The following CYB5B variants were observed in gnomAD, a reference collection of about 807,000 sequenced individuals.
CYB5B encodes cytochrome b5 type B (outer mitochondrial membrane).
CYB5B carries 14 observed loss-of-function variants against 21.3 expected under a neutral mutation model. That is an observed-to-expected ratio of 0.66 (90% CI 0.43 to 1.03). The LOEUF is 1.03. Among genes scored for constraint, CYB5B ranks in the 50% least tolerant of loss-of-function variants. CYB5B has a pLI of 0.00. For missense variants in CYB5B, 166 were observed against 185.1 expected (o/e 0.90, Z 0.60); for synonymous variants, 69 against 68.4 (o/e 1.01, Z -0.04).
chr16:69,429,495 T>C (rs1033612499), intron 1 of CYB5B, among the ~76,000 whole-genome samples: 5 of 152,168 alleles, frequency 3.3e-5, no homozygotes, highest in African/African-American at 4.8e-5. Context: ...GCATTTACAA[T>C]CCTCTAGCTA....
intron 1 of CYB5B, among the ~76,000 whole-genome samples, chr16:69,446,082 A>G (rs2142819799): frequency 6.6e-6 from 1 of 152,332 alleles, no homozygotes; most frequent in South Asian, 2.1e-4. Context: ...ATGCATATAT[A>G]TATCTTCATT....
chr16:69,457,139 T>C (rs2014990935), intron 3 of CYB5B, among the ~76,000 whole-genome samples: 1 of 152,210 alleles, frequency 6.6e-6, no homozygotes, highest in African/African-American at 2.4e-5. Context: ...AGTTATTTAT[T>C]GTTTAGAAAT....
intron 3 of CYB5B, among the ~76,000 whole-genome samples, chr16:69,453,702 G>A (rs1440343035): frequency 6.6e-6 from 1 of 152,076 alleles, no homozygotes; most frequent in Admixed American, 6.5e-5. Context: ...GGGATTACAG[G>A]CGCCTACCAC....
chr16:69,437,966 A>G (rs759163992), intron 1 of CYB5B, among the ~76,000 whole-genome samples: 1 of 152,196 alleles, frequency 6.6e-6, no homozygotes. Flanking sequence ...GTTCAATGGC[A>G]TTAAGTACAT....
chr16:69,434,860 C>T (rs911484233), intron 1 of CYB5B, among the ~76,000 whole-genome samples: 3,081 of 55,318 alleles, frequency 0.056, 51 homozygotes, highest in Non-Finnish European at 0.069. Context: ...AAGACTTCAT[C>T]TCAAAAAAAA....
intron 3 of CYB5B, among the ~76,000 whole-genome samples, chr16:69,457,861 A>G (rs1303344484): frequency 6.6e-6 from 1 of 152,314 alleles, no homozygotes; most frequent in African/African-American, 2.4e-5. Flanking sequence ...AACTCATTTC[A>G]TGGACTGCTC....
intron 1 of CYB5B, among the ~76,000 whole-genome samples, chr16:69,442,170 AAGTC>A (rs1335757639): frequency 6.6e-6 from 1 of 152,172 alleles, no homozygotes; most frequent in East Asian, 1.9e-4. Context: ...CTGTGATTAA[AAGTC>A]AGACTGCATA....
intron 3 of CYB5B, among the ~76,000 whole-genome samples, chr16:69,451,622 T>TA (rs996101238): frequency 1.5e-4 from 22 of 149,914 alleles, no homozygotes; most frequent in East Asian, 7.8e-4. Flanking sequence ...ATGTACATGG[T>TA]AAAAAAAAAA....
At chr16:69,433,555 A>T (rs985518396) in intron 1 of CYB5B, among the ~76,000 whole-genome samples, 1 of 152,182 alleles carries the variant, frequency 6.6e-6, no homozygotes, top group Non-Finnish European at 1.5e-5. Context: ...CCACAGCTGC[A>T]TAGGATTTAT....
chr16:69,430,154 C>A (rs1023282150), intron 1 of CYB5B, among the ~76,000 whole-genome samples: 3 of 152,144 alleles, frequency 2.0e-5, no homozygotes, highest in Admixed American at 1.3e-4. Context: ...TAGAAAATAT[C>A]AAAGTGCATC....
rs185170483 is a variant in CYB5B, at chr16:69,432,719, A to C, written c.174+7862A>C. ...GTTTTAGAGGTGAGAAAACAGGAGC[A>C]GAGGAGTAACTTTCACAGAGTCATA... is the stretch of plus-strand genomic sequence containing the variant. On this transcript the variant is annotated intron_variant, in intron 1 of 4. Coordinates refer to ENST00000307892, the MANE Select transcript of CYB5B (RefSeq NM_030579.3). 2.5e-3 allele frequency among the ~76,000 whole-genome samples: 376 copies of C among 152,312 alleles called. 3 individuals carry two copies. Among genetic ancestry groups the C allele is most frequent in the African/African-American group, 8.6e-3 (358 of 41,572 alleles).
At chr16:69,441,255 G>T (rs2014820469) in intron 1 of CYB5B, among the ~76,000 whole-genome samples, 1 of 150,798 alleles carries the variant, frequency 6.6e-6, no homozygotes, top group Non-Finnish European at 1.5e-5. Context: ...CCGCGTTCAA[G>T]TGATTTTCCT....
chr16:69,462,574 C>G lies in CYB5B; in HGVS notation c.*54C>G. On this transcript the variant is annotated 3_prime_UTR_variant, in exon 5 of 5. Coordinates refer to ENST00000307892, the MANE Select transcript of CYB5B (RefSeq NM_030579.3). ...TCCACTTTGGGGCGAAAACTAGAGA[C>G]TTGCTTGGGGGCTGCAGAAGTGCCC... 1 of 1,460,542 alleles carries G rather than the reference C, an allele frequency of 6.8e-7. No individual in the cohort carries two copies. Among genetic ancestry groups the G allele is most frequent in the Middle Eastern group, 1.7e-4 (1 of 5,770 alleles). The allele number at this position is 1,460,542 out of a possible 1,614,324, so 90.5% of individuals were successfully genotyped here.
Position 69,424,650 on chromosome 16 carries a change from G to C in CYB5B, c.-34G>C. The C allele has an allele frequency of 2.7e-6, 4 of 1,506,004 alleles. No homozygotes were observed. Among genetic ancestry groups the C allele is most frequent in the Non-Finnish European group, 3.6e-6 (4 of 1,123,284 alleles). 93.3% of individuals were successfully genotyped at this position (1,506,004 alleles called of 1,614,324 possible). A position where few individuals can be genotyped will look rare whatever the true frequency, so the allele number is the denominator to read the frequency against. ...TGAGCGCGGGCTCTCAAGGAAAGTA[G>C]TCGCGGAATCTCAGTTAGCGGTGGA... On this transcript the variant is annotated 5_prime_UTR_variant, in exon 1 of 5. Transcript: ENST00000307892.
chr16:69,453,581 G>A (rs566382275), intron 3 of CYB5B, among the ~76,000 whole-genome samples: 151 of 152,084 alleles, frequency 9.9e-4, no homozygotes, highest in Admixed American at 1.8e-3. Context: ...GCGGGGGAAC[G>A]GAGTGTTGCT....
At chr16:69,433,171 T>C (rs1353415415) in intron 1 of CYB5B, among the ~76,000 whole-genome samples, 4 of 152,170 alleles carry the variant, frequency 2.6e-5, no homozygotes, top group Non-Finnish European at 1.5e-5. Flanking sequence ...TGGAATTAGG[T>C]CTGTTTTATA....
intron 3 of CYB5B, among the ~76,000 whole-genome samples, chr16:69,451,827 T>G (rs1464985968): frequency 6.6e-6 from 1 of 151,566 alleles, no homozygotes; most frequent in Non-Finnish European, 1.5e-5. Context: ...GGCGGGCAAC[T>G]GTAGTCCCAG....
At chr16:69,435,602 G>A (rs1009521404) in intron 1 of CYB5B, among the ~76,000 whole-genome samples, 1 of 152,132 alleles carries the variant, frequency 6.6e-6, no homozygotes, top group East Asian at 1.9e-4. Flanking sequence ...ATTGTTGCCT[G>A]TCCAGTGGAA....
chr16:69,442,694 T>A (rs548517505), intron 1 of CYB5B, among the ~76,000 whole-genome samples: 5 of 151,894 alleles, frequency 3.3e-5, no homozygotes, highest in African/African-American at 9.7e-5. Context: ...ATTTTTAAAA[T>A]TTTTTTTGTG....
Sources: gnomAD v4.1 joint callset for allele counts (sites outside exome capture counted in the v4.1 genomes callset) on GRCh38, gnomAD v4.1.1 for gene constraint, MANE v1.5 for transcripts, NCBI Gene and HGNC (gene_info 2026-07-23, HGNC 2026-07-21) for gene names.